Variants in INSR observed in about 807,000 individuals in gnomAD.
The protein encoded by INSR is IR.
Under a neutral mutation model 142.6 loss-of-function variants are expected in INSR, and 67 were observed. The observed-to-expected ratio is 0.47, with a 90% CI of 0.39 to 0.58. INSR has a LOEUF of 0.58. Ranked by LOEUF, INSR falls within the 20% of genes least tolerant of loss-of-function variation. The pLI is 0.00. For synonymous variants in INSR, 756 were observed against 743.1 expected (o/e 1.02, Z -0.28); for missense variants, 1,248 against 1,833.2 (o/e 0.68, Z 5.83).
At chr19:7,158,335 CT>C (rs1243095095) in intron 9 of INSR, among the ~76,000 whole-genome samples, 12 of 151,776 alleles carry the variant, frequency 7.9e-5, no homozygotes, top group Non-Finnish European at 1.3e-4. Context: ...CCCGTCTCTA[CT>C]AAAAAATACA....
chr19:7,194,176 T>C (rs1342557692), intron 2 of INSR, among the ~76,000 whole-genome samples: 3 of 152,112 alleles, frequency 2.0e-5, no homozygotes, highest in Non-Finnish European at 2.9e-5. Flanking sequence ...CCCAGCACTT[T>C]GGGAGGCTGA....
intron 2 of INSR, among the ~76,000 whole-genome samples, chr19:7,254,110 G>A (rs60984717): frequency 0.35 from 52,907 of 151,742 alleles, 9,953 homozygotes; most frequent in Non-Finnish European, 0.42. Context: ...GCTGACACCT[G>A]TAATCCTAAC....
At position 7,116,988 on chromosome 19, in the gene INSR, C is replaced by A; in HGVS notation, c.*68G>T. 1 of 1,208,520 alleles carries A rather than the reference C, an allele frequency of 8.3e-7. No individual in the cohort carries two copies. The highest frequency in any genetic ancestry group is 2.3e-5 in the East Asian group (1 of 43,060). 74.9% of individuals were successfully genotyped at this position (1,208,520 alleles called of 1,614,324 possible). ...AGAGTCGTGAGAATCCTGAGTTTTC[C>A]AGAGGCTTTCAAACCAGAGGAAAGC... On this transcript the variant is annotated 3_prime_UTR_variant, in exon 22 of 22. Coordinates refer to ENST00000302850, the MANE Select transcript of INSR (RefSeq NM_000208.4).
At chr19:7,133,089 C>T (rs1049363060) in intron 13 of INSR, among the ~76,000 whole-genome samples, 1 of 151,956 alleles carries the variant, frequency 6.6e-6, no homozygotes, top group East Asian at 1.9e-4. Context: ...TAGCCAGACC[C>T]CATTTCCACA....
Position 7,216,791 on chromosome 19 carries a change from C to T in INSR, c.653-32154G>A, listed in dbSNP as rs1041497055. The stretch of plus-strand genomic sequence containing the variant: ...TTCCCATTGCTGCTGTCACAAACGC[C>T]CACAAATGTAAAACGACATACATTT... On this transcript the variant is annotated intron_variant, in intron 2 of 21. Coordinates refer to ENST00000302850, the MANE Select transcript of INSR (RefSeq NM_000208.4). The surrounding 1 kb of genome is among the most constrained non-coding windows in gnomAD (Gnocchi z 4.2). Among the ~76,000 whole-genome samples, 10 of 152,130 alleles carry T rather than the reference C, an allele frequency of 6.6e-5. No homozygotes were observed. Among genetic ancestry groups the T allele is most frequent in the Admixed American group, 5.9e-4 (9 of 15,256 alleles).
intron 1 of INSR, among the ~76,000 whole-genome samples, chr19:7,276,632 G>T (rs1358905419): frequency 6.6e-6 from 1 of 152,106 alleles, no homozygotes; most frequent in African/African-American, 2.4e-5. Context: ...AACGAATCTG[G>T]CTTCCCAACC....
At chr19:7,213,419 T>C (rs950440828) in intron 2 of INSR, among the ~76,000 whole-genome samples, 4 of 151,166 alleles carry the variant, frequency 2.6e-5, no homozygotes, top group African/African-American at 9.7e-5. Context: ...ATGCAAAGAA[T>C]TATTATGCAG....
intron 10 of INSR, 76 bp downstream of exon 10, chr19:7,152,650 G>A (rs1352053753): frequency 4.1e-6 from 5 of 1,214,144 alleles, no homozygotes; most frequent in East Asian, 4.6e-5. Flanking sequence ...ACTACCTCTC[G>A]GTCCCTAAGT....
chr19:7,282,098 C>A (rs1472995841), intron 1 of INSR, among the ~76,000 whole-genome samples: 1 of 152,200 alleles, frequency 6.6e-6, no homozygotes, highest in Admixed American at 6.5e-5. Context: ...GGCACGGTGG[C>A]TCACACCAGT....
chr19:7,214,703 TATG>T (rs770538426), intron 2 of INSR, among the ~76,000 whole-genome samples: 2 of 152,192 alleles, frequency 1.3e-5, no homozygotes, highest in Non-Finnish European at 2.9e-5. Flanking sequence ...TAGAGGAAGA[TATG>T]ATGATGACTT....
intron 2 of INSR, among the ~76,000 whole-genome samples, chr19:7,240,869 G>GT (rs1421601773): frequency 3.3e-5 from 5 of 152,104 alleles, no homozygotes; most frequent in Non-Finnish European, 7.3e-5. Context: ...TGAATTTAAC[G>GT]TTTAGACCTC....
At chr19:7,185,902 G>GAA (rs111809278) in intron 2 of INSR, among the ~76,000 whole-genome samples, 19 of 123,318 alleles carry the variant, frequency 1.5e-4, no homozygotes, top group South Asian at 8.3e-4. Context: ...AGGAAGGAAG[G>GAA]AAAAAAAAAA....
At chr19:7,226,320 G>A (rs1483105336) in intron 2 of INSR, among the ~76,000 whole-genome samples, 3 of 149,638 alleles carry the variant, frequency 2.0e-5, no homozygotes, top group African/African-American at 7.3e-5. Flanking sequence ...TGAGGCAGGA[G>A]AATGGTTTGA....
intron 3 of INSR, among the ~76,000 whole-genome samples, chr19:7,182,393 A>T (rs1974296871): frequency 6.6e-6 from 1 of 152,034 alleles, no homozygotes; most frequent in South Asian, 2.1e-4. Flanking sequence ...CACACCTGTA[A>T]TCCCAGCTAC....
At chr19:7,153,311 TCA>T (rs1973475750) in intron 9 of INSR, among the ~76,000 whole-genome samples, 2 of 6,538 alleles carry the variant, frequency 3.1e-4, no homozygotes, top group African/African-American at 1.3e-3. Context: ...ACCACACAAA[TCA>T]CACACACACC....
intron 2 of INSR, among the ~76,000 whole-genome samples, chr19:7,198,029 T>A (rs1277342450): frequency 6.8e-6 from 1 of 146,166 alleles, no homozygotes; most frequent in Admixed American, 6.8e-5. Context: ...TGTGTGTCCA[T>A]GATGGGCGTG....
chr19:7,256,089 T>A (rs1015744051), intron 2 of INSR, among the ~76,000 whole-genome samples: 2 of 152,088 alleles, frequency 1.3e-5, no homozygotes, highest in Non-Finnish European at 2.9e-5. Context: ...AAAGTTTGTT[T>A]AAAAAATTTC....
At chr19:7,233,726 A>G (rs1446430006) in intron 2 of INSR, among the ~76,000 whole-genome samples, 1 of 116,672 alleles carries the variant, frequency 8.6e-6, no homozygotes, top group African/African-American at 3.4e-5. Flanking sequence ...CCCAGGCTGG[A>G]GTGCAGTGGC....
chr19:7,198,898 TTG>T (rs148250548), intron 2 of INSR, among the ~76,000 whole-genome samples: 78,875 of 149,206 alleles, frequency 0.53, 21,802 homozygotes, highest in Admixed American at 0.61. Flanking sequence ...TACACTTTTT[TTG>T]GGGGGGGGGT....
Sources: allele counts gnomAD v4.1 joint callset (sites outside exome capture counted in the v4.1 genomes callset), GRCh38; gene constraint gnomAD v4.1.1; non-coding constraint Gnocchi (gnomAD v3.1); transcripts MANE v1.5; gene names NCBI Gene and HGNC (gene_info 2026-07-23, HGNC 2026-07-21).